Variants in CTBP1 observed in about 807,000 individuals in gnomAD.
The protein encoded by CTBP1 is C-terminal binding protein 1, also known as C-terminal-binding protein 1.
In CTBP1, 11 loss-of-function variants were observed where a neutral mutation model predicts 42.1. The ratio of observed to expected loss-of-function variants is 0.26; its 90% CI spans 0.16 to 0.43. The LOEUF (loss-of-function observed/expected upper bound fraction) is 0.43. Among genes scored for constraint, CTBP1 ranks in the 20% least tolerant of loss-of-function variants. The pLI, the probability that CTBP1 is intolerant of heterozygous loss-of-function variation, is 1.00. For synonymous variants in CTBP1, 324 were observed against 277.1 expected (o/e 1.17, Z -1.68); for missense variants, 399 against 624.3 (o/e 0.64, Z 3.85).
At chr4:1,224,192 C>G (rs1730063197) in intron 5 of CTBP1, among the ~76,000 whole-genome samples, 1 of 152,134 alleles carries the variant, frequency 6.6e-6, no homozygotes, top group Non-Finnish European at 1.5e-5. Context: ...TGACTGACAT[C>G]AATGTGTGTC....
chr4:1,226,435 G>A (rs557492978), intron 4 of CTBP1, among the ~76,000 whole-genome samples: 119 of 152,132 alleles, frequency 7.8e-4, no homozygotes, highest in African/African-American at 2.7e-3. Flanking sequence ...AAGGGGTCCC[G>A]GGGGCCGGGA....
chr4:1,223,895 C>A (rs570160924), intron 5 of CTBP1, among the ~76,000 whole-genome samples: 2 of 152,350 alleles, frequency 1.3e-5, no homozygotes, highest in East Asian at 3.9e-4. Context: ...GCCGGTTCAC[C>A]GCTGCATGCC....
At chr4:1,220,988 G>A (rs1295277422) in intron 5 of CTBP1, among the ~76,000 whole-genome samples, 1 of 152,238 alleles carries the variant, frequency 6.6e-6, no homozygotes, top group Non-Finnish European at 1.5e-5. Context: ...AACTGAAAAC[G>A]TGTTCTCGTC....
intron 5 of CTBP1, among the ~76,000 whole-genome samples, chr4:1,221,286 AGTGCTG>A (rs1405220770): frequency 6.6e-6 from 1 of 152,210 alleles, no homozygotes; most frequent in African/African-American, 2.4e-5. Flanking sequence ...AATTACACAG[AGTGCTG>A]GCAAGGATAC....
At chr4:1,241,058 C>A (rs1387357103) in intron 2 of CTBP1, among the ~76,000 whole-genome samples, 4 of 152,210 alleles carry the variant, frequency 2.6e-5, no homozygotes, top group Non-Finnish European at 4.4e-5. Context: ...CTCCGTGCCT[C>A]TCAGACACTT....
intron 1 of CTBP1, chr4:1,244,497 C>T (rs1359587851): frequency 1.2e-5 from 12 of 985,234 alleles, no homozygotes; most frequent in Non-Finnish European, 1.3e-5. Context: ...CAACCCTCCA[C>T]GTCCCTCCAC....
At chr4:1,222,470 G>A (rs773136877) in intron 5 of CTBP1, among the ~76,000 whole-genome samples, 9 of 152,120 alleles carry the variant, frequency 5.9e-5, no homozygotes, top group African/African-American at 2.2e-4. Flanking sequence ...GGGCCTGCCC[G>A]AGAGCCCACA....
At chr4:1,229,591 T>C (rs1412333121) in intron 3 of CTBP1, among the ~76,000 whole-genome samples, 1 of 152,160 alleles carries the variant, frequency 6.6e-6, no homozygotes, top group African/African-American at 2.4e-5. Flanking sequence ...CTGCCGAGCA[T>C]GGAGCCTGTG....
intron 1 of CTBP1, chr4:1,244,659 C>A: frequency 1.0e-6 from 1 of 985,432 alleles, no homozygotes; most frequent in Non-Finnish European, 1.2e-6. Flanking sequence ...TCCCCGACCA[C>A]CAGAAGGGCA....
At position 1,214,490 on chromosome 4, in the gene CTBP1, C is replaced by T. The variant is rs551708807; in HGVS notation, c.730-17G>A. On this transcript the variant is annotated splice_polypyrimidine_tract_variant and intron_variant, in intron 6 of 9. Transcript: ENST00000382952. ...TTGTCTCATCTAGAAGACATAAGGA[C>T]AGGCCAGGCCCAGTCAGGGATCCGC... The T allele has an allele frequency of 2.8e-5, 43 of 1,559,104 alleles. 1 individual carries two copies. The South Asian group carries it at 5.0e-4, about 18-fold the overall frequency.
chr4:1,228,387 C>G (rs752342269), intron 3 of CTBP1, 44 bp from the exon 4 acceptor site: 155 of 1,594,368 alleles, frequency 9.7e-5, no homozygotes, highest in Non-Finnish European at 1.2e-4. Flanking sequence ...ACCTGAAGAC[C>G]CTCGGGCTTG....
At position 1,228,407 on chromosome 4, in the gene CTBP1, G is replaced by A. The variant is rs948578088; in HGVS notation, c.163-64C>T. On this transcript the variant is annotated intron_variant, in intron 3 of 9. Transcript: ENST00000382952. ...AAGACCCTCGGGCTTGGCCTTCGGG[G>A]GTGGGGCTGCCCCGGCTGGGAAATT... 2.7e-5 allele frequency: 42 copies of A among 1,567,726 alleles called. No individual in the cohort carries two copies. In the Admixed American group the frequency reaches 7.0e-4, roughly 26 times the overall value.
chr4:1,236,410 A>C, intron 3 of CTBP1: 1 of 550,954 alleles, frequency 1.8e-6, no homozygotes, highest in South Asian at 2.2e-5. Context: ...CCGTGTGAAG[A>C]CCGCCGCGCA....
At chr4:1,243,863 C>T (rs1732440727) in intron 1 of CTBP1, 2 of 985,460 alleles carry the variant, frequency 2.0e-6, no homozygotes, top group Non-Finnish European at 2.4e-6. Flanking sequence ...GGCTCTCAGC[C>T]CAGCGACACG....
rs374289560 is a variant in CTBP1, at chr4:1,212,401, C to A, written c.1129G>T (p.Val377Leu). 1.4e-6 allele frequency: 2 copies of A among 1,471,114 alleles called. No individual in the cohort carries two copies. Among genetic ancestry groups the A allele is most frequent in the East Asian group, 2.7e-5 (1 of 36,612 alleles). 91.1% of individuals were successfully genotyped at this position (1,471,114 alleles called of 1,614,324 possible). A position where few individuals can be genotyped will look rare whatever the true frequency, so the allele number is the denominator to read the frequency against. The change falls in exon 10 of 10, where the codon GTG becomes TTG. Residue 377 changes from valine (V) to leucine (L), a missense_variant. Coordinates refer to ENST00000382952, the MANE Select transcript of CTBP1 (RefSeq NM_001012614.2). ...AYRYPPGVVG[V>L]APTGIPAAVE... ...GCAGCTGGGATGCCAGTGGGGGCCA[C>A]GCCCACCACGCCCGGAGGGTACCTG...
chr4:1,214,951 C>A (rs993844497), intron 6 of CTBP1, among the ~76,000 whole-genome samples: 57 of 152,388 alleles, frequency 3.7e-4, no homozygotes, highest in Admixed American at 1.1e-3. Flanking sequence ...AACAGGCTCG[C>A]TTTTCATGCA....
chr4:1,229,353 C>A (rs748604555), intron 3 of CTBP1, among the ~76,000 whole-genome samples: 1 of 152,360 alleles, frequency 6.6e-6, no homozygotes, highest in Admixed American at 6.5e-5. Context: ...CGCCCACCCA[C>A]GGGTGCAGAG....
chr4:1,212,500 C>A, intron 9 of CTBP1, 77 bp from the exon 10 acceptor site: 1 of 1,281,980 alleles, frequency 7.8e-7, no homozygotes, highest in Non-Finnish European at 1.0e-6. Context: ...CTAGCATCGG[C>A]AGCACCGAGG....
intron 1 of CTBP1, 122 bp downstream of exon 1, chr4:1,248,794 C>G: frequency 1.1e-6 from 1 of 947,338 alleles, no homozygotes; most frequent in Non-Finnish European, 1.3e-6. Context: ...CACGCGCACT[C>G]GCACACAAAG....
Sources: gnomAD v4.1 joint callset for allele counts (sites outside exome capture counted in the v4.1 genomes callset) on GRCh38, gnomAD v4.1.1 for gene constraint, MANE v1.5 for transcripts, NCBI Gene and HGNC (gene_info 2026-07-23, HGNC 2026-07-21) for gene names.